Variants in STRBP observed in about 807,000 individuals in gnomAD.
STRBP encodes spermatid perinuclear RNA binding protein, also known as spermatid perinuclear RNA-binding protein.
A neutral mutation model predicts 80.1 loss-of-function variants in STRBP; 13 were observed. That is an observed-to-expected ratio of 0.16 (90% CI 0.11 to 0.26). STRBP has a LOEUF of 0.26. Among genes scored for constraint, STRBP ranks in the 10% least tolerant of loss-of-function variants. The pLI is 1.00. For missense variants in STRBP, 485 were observed against 815.2 expected (o/e 0.59, Z 4.93); for synonymous variants, 284 against 291.2 (o/e 0.98, Z 0.25).
chr9:123,189,293 A>G (rs767511180), intron 2 of STRBP, among the ~76,000 whole-genome samples: 30 of 111,540 alleles, frequency 2.7e-4, no homozygotes, highest in Admixed American at 1.7e-3. Context: ...GGAACATCAC[A>G]TACCAGGGCC....
intron 13 of STRBP, among the ~76,000 whole-genome samples, chr9:123,142,854 G>C (rs1288840267): frequency 6.6e-6 from 1 of 152,078 alleles, no homozygotes; most frequent in African/African-American, 2.4e-5. Context: ...AAAGAAAAGT[G>C]AATTTCAAGT....
At chr9:123,163,500 C>T (rs536472062) in intron 6 of STRBP, among the ~76,000 whole-genome samples, 1 of 152,246 alleles carries the variant, frequency 6.6e-6, no homozygotes, top group South Asian at 2.1e-4. Flanking sequence ...TCAGAATGAC[C>T]GTGTTTCTTC....
rs570719605 is a variant in STRBP at position 123,234,841 on chromosome 9, T to G, written c.-165+1989A>C. Among the ~76,000 whole-genome samples, 5 of 152,104 alleles carry G rather than the reference T, an allele frequency of 3.3e-5. No individual in the cohort carries two copies. In the East Asian group the frequency reaches 9.7e-4, roughly 29 times the overall value. ...CAGGCATGGGGGTGCACACCTGTTA[T>G]CCCAGCTACTTGGGAGGCCAAGGCA... On this transcript the variant is annotated intron_variant, in intron 2 of 18. Coordinates refer to ENST00000348403, the MANE Select transcript of STRBP (RefSeq NM_018387.5).
At position 123,194,788 on chromosome 9, in the gene STRBP, C is replaced by T. The variant is rs142414954; in HGVS notation, c.-164-10490G>A. Among the ~76,000 whole-genome samples the T allele has an allele frequency of 5.3e-5, 8 of 152,280 alleles. No homozygotes were observed. The East Asian group carries it at 1.4e-3, about 26-fold the overall frequency. ...AGTTGACACAGTTGACTGTTCCCTA[C>T]ACTTTACTCCCCTTGGCTTCCATCT... On this transcript the variant is annotated intron_variant, in intron 2 of 18. Transcript: ENST00000348403.
Position 123,146,920 on chromosome 9 carries a change from C to T in STRBP, c.1273G>A (p.Asp425Asn), listed in dbSNP as rs1172448097. The T allele has an allele frequency of 6.2e-7, 1 of 1,614,060 alleles. No individual in the cohort carries two copies. Among genetic ancestry groups the T allele is most frequent in the Non-Finnish European group, 8.5e-7 (1 of 1,180,000 alleles). Residue 425 changes from aspartate (D) to asparagine (N), a missense_variant, in exon 13 of 19, where the codon GAT becomes AAT. Around this residue, in one of 3 missense-constraint regions of STRBP, gnomAD observed 377 missense variants for 616.1 expected, o/e 0.61. Transcript: ENST00000348403. ...APVFTMSVDV[D>N]GTTYEASGPS... is the part of the protein sequence containing the mutation. ...CCTGAGGCTTCATATGTTGTGCCAT[C>T]CACATCTACAGACATTGTGAAGACT... is the stretch of plus-strand genomic sequence containing the variant.
rs1008653166 is a variant in STRBP at position 123,122,147 on chromosome 9, CTTAA to C, written c.*3446_*3449del. On this transcript the variant is annotated 3_prime_UTR_variant, in exon 19 of 19. Transcript: ENST00000348403. ...TATGATTGTCATATATGCATGTTGTCTTAATTGACTATTTTTCTCTTTAATCAGA... is the reference window on the plus strand; with the variant it reads ...TATGATTGTCATATATGCATGTTGTCTTGACTATTTTTCTCTTTAATCAGA... The C allele has an allele frequency of 3.1e-5, 10 of 318,020 alleles. No homozygotes were observed. The highest frequency in any genetic ancestry group is 1.8e-4 in the East Asian group (2 of 11,116). 19.7% of individuals were successfully genotyped at this position (318,020 alleles called of 1,614,324 possible). A position where few individuals can be genotyped will look rare whatever the true frequency, so the allele number is the denominator to read the frequency against.
At chr9:123,180,223 C>G (rs1256003689) in intron 3 of STRBP, among the ~76,000 whole-genome samples, 1 of 152,178 alleles carries the variant, frequency 6.6e-6, no homozygotes, top group Non-Finnish European at 1.5e-5. Flanking sequence ...TCACTGCACT[C>G]CAACCTGGGC....
intron 1 of STRBP, among the ~76,000 whole-genome samples, chr9:123,253,866 T>C (rs1178579998): frequency 1.3e-5 from 2 of 152,156 alleles, no homozygotes; most frequent in South Asian, 2.1e-4. Context: ...ACAGCAAAGA[T>C]TTTTATTCTA....
At chr9:123,213,045 A>T (rs771095094) in intron 2 of STRBP, among the ~76,000 whole-genome samples, 1 of 152,242 alleles carries the variant, frequency 6.6e-6, no homozygotes, top group Non-Finnish European at 1.5e-5. Context: ...CTCAGCCATA[A>T]AGGCTTTTCC....
At chr9:123,114,939 C>T (rs2035622145) in intron 3 of STRBP, 3 of 335,942 alleles carry the variant, frequency 8.9e-6, no homozygotes, top group South Asian at 8.1e-5. Flanking sequence ...TGCGCTCCAT[C>T]AGCCTCCCTC....
chr9:123,122,252 A>T lies in STRBP; in HGVS notation c.*3345T>A. The T allele has an allele frequency of 2.7e-6, 3 of 1,104,432 alleles. No individual in the cohort carries two copies. Among genetic ancestry groups the T allele is most frequent in the Non-Finnish European group, 3.7e-6 (3 of 821,178 alleles). The allele number at this position is 1,104,432 out of a possible 1,614,324, so 68.4% of individuals were successfully genotyped here. A position where few individuals can be genotyped will look rare whatever the true frequency, so the allele number is the denominator to read the frequency against. ...TATCTCAGCCTATTTTATACAAGTG[A>T]TATGGCTACGAAGGTCCGAGGAGAA... On this transcript the variant is annotated 3_prime_UTR_variant, in exon 19 of 19. Coordinates refer to ENST00000348403, the MANE Select transcript of STRBP (RefSeq NM_018387.5).
intron 2 of STRBP, among the ~76,000 whole-genome samples, chr9:123,231,853 T>A (rs918159816): frequency 1.4e-4 from 22 of 152,130 alleles, no homozygotes; most frequent in African/African-American, 5.1e-4. Context: ...TCTCCCTCTC[T>A]CTGGTCTCTA....
intron 1 of STRBP, among the ~76,000 whole-genome samples, chr9:123,267,019 T>A (rs980848070): frequency 6.7e-6 from 1 of 149,568 alleles, no homozygotes; most frequent in African/African-American, 2.5e-5. Flanking sequence ...CCCCTCCACC[T>A]TCCTCCTCCC....
chr9:123,200,722 C>A (rs1208481961), intron 2 of STRBP, among the ~76,000 whole-genome samples: 2 of 97,790 alleles, frequency 2.0e-5, no homozygotes, highest in Non-Finnish European at 4.1e-5. Flanking sequence ...CGCCCCGCCA[C>A]ACACCCCGCT....
At chr9:123,242,724 T>C (rs1231500480) in intron 1 of STRBP, among the ~76,000 whole-genome samples, 2 of 152,136 alleles carry the variant, frequency 1.3e-5, no homozygotes, top group Admixed American at 1.3e-4. Context: ...TTAATTATGG[T>C]TTTTAACACC....
chr9:123,146,729 A>C (rs2036830064), intron 13 of STRBP, 126 bp downstream of exon 13: 1 of 832,032 alleles, frequency 1.2e-6, no homozygotes, highest in African/African-American at 1.7e-5. Context: ...CAGAAGTAAC[A>C]AAAGTCTATA....
intron 3 of STRBP, chr9:123,181,022 T>A: frequency 1.4e-6 from 1 of 705,804 alleles, no homozygotes; most frequent in Non-Finnish European, 1.7e-6. Context: ...AAATTAACAC[T>A]ATAGTGTCAC....
At chr9:123,223,042 AGATAGAT>A (rs961102263) in intron 2 of STRBP, among the ~76,000 whole-genome samples, 1 of 146,498 alleles carries the variant, frequency 6.8e-6, no homozygotes, top group Non-Finnish European at 1.5e-5. Context: ...AAGCTCAGAT[AGATAGAT>A]GATAGATAGA....
intron 4 of STRBP, 41 bp downstream of exon 4, chr9:123,178,966 T>C (rs1378278472): frequency 6.3e-7 from 1 of 1,589,730 alleles, no homozygotes; most frequent in East Asian, 2.2e-5. Flanking sequence ...AGCTTTGCTG[T>C]GCACTCTAGC....
Sources: gnomAD v4.1 joint callset for allele counts (sites outside exome capture counted in the v4.1 genomes callset) on GRCh38, gnomAD v4.1.1 for gene constraint, gnomAD v4.1.1 regional missense constraint, MANE v1.5 for transcripts, NCBI Gene and HGNC (gene_info 2026-07-23, HGNC 2026-07-21) for gene names.